The following CLPX variants were observed in gnomAD, a reference collection of about 807,000 sequenced individuals.
CLPX encodes the protein caseinolytic mitochondrial matrix peptidase chaperone subunit X, also known as ATP-dependent clpX-like chaperone, mitochondrial.
A neutral mutation model predicts 76.4 loss-of-function variants in CLPX; 34 were observed. The observed-to-expected ratio is 0.45, with a 90% CI of 0.34 to 0.59. The LOEUF is 0.59. Ranked by LOEUF, CLPX falls within the 20% of genes least tolerant of loss-of-function variation. The pLI, the probability that CLPX is intolerant of heterozygous loss-of-function variation, is 0.01. For missense variants in CLPX, 613 were observed against 757.0 expected, an observed-to-expected ratio of 0.81 and a Z score of 2.23; for synonymous variants, 248 against 270.9, an observed-to-expected ratio of 0.92 and a Z score of 0.83.
Position 65,154,814 on chromosome 15 carries a change from G to T in CLPX, c.1579C>A (p.Pro527Thr), listed in dbSNP as rs774236257. The T allele has an allele frequency of 6.2e-7, 1 of 1,613,938 alleles. No homozygotes were observed. Among genetic ancestry groups the T allele is most frequent in the Non-Finnish European group, 8.5e-7 (1 of 1,179,844 alleles). ...ILTEPRNAVI[P>T]QYQALFSMDK... is the part of the protein sequence containing the mutation. ...ATGCTGAATAAGGCCTGGTACTGAG[G>T]AATAACAGCATTTCGTGGCTCAGTT... Residue 527 changes from proline (P) to threonine (T), a missense_variant, in exon 11 of 14, where the codon CCT (proline) becomes ACT (threonine). By Grantham distance (38) the Pro-to-Thr change is conservative. Coordinates refer to ENST00000300107, the MANE Select transcript of CLPX (RefSeq NM_006660.5).
intron 2 of CLPX, among the ~76,000 whole-genome samples, chr15:65,179,550 G>A (rs1287454040): frequency 4.6e-5 from 7 of 151,936 alleles, no homozygotes; most frequent in Admixed American, 6.6e-5. Context: ...TCAAATTCAC[G>A]TAATGAAAAA....
At chr15:65,183,189 G>A (rs1410607137) in intron 1 of CLPX, among the ~76,000 whole-genome samples, 1 of 151,688 alleles carries the variant, frequency 6.6e-6, no homozygotes, top group Non-Finnish European at 1.5e-5. Context: ...GAGGCCAGGC[G>A]CGGTGGCTCA....
intron 10 of CLPX, 112 bp downstream of exon 10, chr15:65,155,580 C>T: frequency 1.1e-6 from 1 of 918,966 alleles, no homozygotes; most frequent in Non-Finnish European, 1.7e-6. Flanking sequence ...TAAGAAAACC[C>T]AACTCTTATA....
At chr15:65,181,919 C>T (rs1419984963) in intron 1 of CLPX, among the ~76,000 whole-genome samples, 1 of 151,398 alleles carries the variant, frequency 6.6e-6, no homozygotes, top group Admixed American at 6.6e-5. Context: ...GTCAGGAGAT[C>T]GAGACCATCC....
chr15:65,151,280 G>C (rs2087716034), intron 13 of CLPX, among the ~76,000 whole-genome samples: 1 of 148,226 alleles, frequency 6.7e-6, no homozygotes, highest in Non-Finnish European at 1.5e-5. Context: ...AGGAAGTGGA[G>C]GTTGCAGTAA....
Position 65,149,566 on chromosome 15 carries a change from A to C in CLPX, c.*1257T>G, listed in dbSNP as rs1469715864. 2.2e-6 allele frequency: 1 copy of C among 453,978 alleles called. No individual in the cohort carries two copies. The highest frequency in any genetic ancestry group is 4.4e-6 in the Non-Finnish European group (1 of 226,102). The allele number at this position is 453,978 out of a possible 1,614,324, so 28.1% of individuals were successfully genotyped here. On this transcript the variant is annotated 3_prime_UTR_variant, in exon 14 of 14. Coordinates refer to ENST00000300107, the MANE Select transcript of CLPX (RefSeq NM_006660.5). ...TCACCCATAGTACTAAAATGGATTA[A>C]AGATGGTAAATAAGGCCGGGTGTGG...
chr15:65,160,617 T>TCACA (rs1219393417), intron 6 of CLPX, among the ~76,000 whole-genome samples: 17 of 133,862 alleles, frequency 1.3e-4, no homozygotes, highest in African/African-American at 5.2e-4. Context: ...TCTCTCTCTC[T>TCACA]CTCTCTCACA....
chr15:65,182,359 A>G (rs1300459958), intron 1 of CLPX, among the ~76,000 whole-genome samples: 1 of 152,208 alleles, frequency 6.6e-6, no homozygotes, highest in Non-Finnish European at 1.5e-5. Context: ...AATAAAATAC[A>G]TAACAAAGGA....
chr15:65,171,424 G>A (rs1318823443), intron 3 of CLPX, among the ~76,000 whole-genome samples: 2 of 150,914 alleles, frequency 1.3e-5, no homozygotes, highest in Non-Finnish European at 2.9e-5. Context: ...TTCAGCCTGG[G>A]CAATAGAGCG....
intron 1 of CLPX, among the ~76,000 whole-genome samples, chr15:65,183,278 C>T (rs1427421251): frequency 2.7e-5 from 4 of 150,492 alleles, no homozygotes; most frequent in Non-Finnish European, 5.9e-5. Context: ...CTGGCTAACA[C>T]GGTGAAACCC....
rs141398729 is a variant in CLPX, at chr15:65,172,956, T to C, written c.358+5978A>G. 1.4e-3 allele frequency among the ~76,000 whole-genome samples: 218 copies of C among 152,288 alleles called. 1 individual carries two copies. Among genetic ancestry groups the C allele is most frequent in the Middle Eastern group, 0.01 (3 of 294 alleles). On this transcript the variant is annotated intron_variant, in intron 3 of 13. Coordinates refer to ENST00000300107, the MANE Select transcript of CLPX (RefSeq NM_006660.5). ...CTTGAACCCAGGAAGGTGAGGCTAC[T>C]GTCAGCTATGATTGCGCCACTGCAT...
intron 6 of CLPX, among the ~76,000 whole-genome samples, chr15:65,161,925 T>C (rs1199756416): frequency 6.6e-6 from 1 of 152,198 alleles, no homozygotes; most frequent in African/African-American, 2.4e-5. Flanking sequence ...ATCCTATATA[T>C]AGTACACTTC....
At chr15:65,159,481 G>C (rs184189289) in intron 6 of CLPX, among the ~76,000 whole-genome samples, 1 of 152,092 alleles carries the variant, frequency 6.6e-6, no homozygotes, top group African/African-American at 2.4e-5. Context: ...GTGATGGCAC[G>C]CGCCTATAGT....
Position 65,155,694 on chromosome 15 carries a change from T to C in CLPX, c.1309A>G (p.Lys437Glu), listed in dbSNP as rs144638772. 1 of 1,610,770 alleles carries C rather than the reference T, an allele frequency of 6.2e-7. No homozygotes were observed. Among genetic ancestry groups the C allele is most frequent in the African/African-American group, 1.3e-5 (1 of 74,704 alleles). Reference protein sequence around the residue: ...DRIISRRKNEKYLGFGTPSNL... With the variant: ...DRIISRRKNEEYLGFGTPSNL... ...AGTAACCCCTCAGAAAAACTTACCT[T>C]TTCATTTTTCCTCCTGCTGATGATT... The change falls in exon 10 of 14, where the codon AAG (lysine) becomes GAG (glutamate). Residue 437 changes from lysine (K) to glutamate (E), a missense_variant and splice_region_variant. Physicochemically the swap from Lys to Glu is moderately conservative, Grantham distance 56. This residue lies in a region of CLPX where 450 missense variants were observed against 638.6 expected (regional missense o/e 0.70). Transcript: ENST00000300107.
At position 65,185,058 on chromosome 15, in the gene CLPX, TGG is replaced by T; in HGVS notation, c.79+15_79+16del. 7.0e-7 allele frequency: 1 copy of T among 1,429,430 alleles called. No homozygotes were observed. Among genetic ancestry groups the T allele is most frequent in the Non-Finnish European group, 9.4e-7 (1 of 1,065,104 alleles). The allele number at this position is 1,429,430 out of a possible 1,614,324, so 88.5% of individuals were successfully genotyped here. A position where few individuals can be genotyped will look rare whatever the true frequency, so the allele number is the denominator to read the frequency against. On this transcript the variant is annotated intron_variant, in intron 1 of 13. Coordinates refer to ENST00000300107, the MANE Select transcript of CLPX (RefSeq NM_006660.5). ...CCCCGACAGGCTGAGGGCTCAGGAG[TGG>T]CACTATTTCGTTACCTCTCTGCGCG...
In CLPX at chr15:65,158,689, G is replaced by T; in HGVS notation, c.778C>A (p.Gln260Lys). 1.2e-6 allele frequency: 2 copies of T among 1,613,740 alleles called. No homozygotes were observed. Among genetic ancestry groups the T allele is most frequent in the Non-Finnish European group, 1.7e-6 (2 of 1,179,786 alleles). The change falls in exon 7 of 14, where the codon CAG becomes AAG. Residue 260 changes from glutamine (Q) to lysine (K), a missense_variant. This residue lies in a region of CLPX where 450 missense variants were observed against 638.6 expected (regional missense o/e 0.70). Coordinates refer to ENST00000300107, the MANE Select transcript of CLPX (RefSeq NM_006660.5). ...GNALGASMQQ[Q>K]VNQQIPQEKR... ...TCCTGAGGTATTTGTTGATTTACCTGTTGCTGCATTGATGCTCCTAAAGCA... is the reference window on the plus strand; with the variant it reads ...TCCTGAGGTATTTGTTGATTTACCTTTTGCTGCATTGATGCTCCTAAAGCA...
At chr15:65,170,658 G>A (rs1213094245) in intron 3 of CLPX, among the ~76,000 whole-genome samples, 1 of 151,794 alleles carries the variant, frequency 6.6e-6, no homozygotes, top group African/African-American at 2.4e-5. Flanking sequence ...CCAGCTACCT[G>A]AGAGGCTGAG....
At chr15:65,168,654 G>A (rs2140634411) in intron 3 of CLPX, among the ~76,000 whole-genome samples, 1 of 150,908 alleles carries the variant, frequency 6.6e-6, no homozygotes, top group East Asian at 2.0e-4. Context: ...TGTAAATGAT[G>A]AGTTAACGGG....
chr15:65,158,453 A>T, intron 7 of CLPX, 122 bp downstream of exon 7: 1 of 775,056 alleles, frequency 1.3e-6, no homozygotes, highest in Non-Finnish European at 2.1e-6. Context: ...GTGTATCTAG[A>T]TGACTGGCCT....
Sources: allele counts gnomAD v4.1 joint callset (sites outside exome capture counted in the v4.1 genomes callset), GRCh38; gene constraint gnomAD v4.1.1; regional missense constraint gnomAD v4.1.1; transcripts MANE v1.5; gene names NCBI Gene and HGNC (gene_info 2026-07-23, HGNC 2026-07-21).